The following AGMO variants were observed in gnomAD, a reference collection of about 807,000 sequenced individuals.
The protein encoded by AGMO is glyceryl-ether monooxygenase.
Under a neutral mutation model 60.2 loss-of-function variants are expected in AGMO, and 75 were observed. The ratio of observed to expected loss-of-function variants is 1.25; its 90% CI spans 1.03 to 1.51. The LOEUF is 1.51. AGMO is among the 40% of genes most tolerant of loss of function. The pLI, the probability that AGMO is intolerant of heterozygous loss-of-function variation, is 0.00. For missense variants in AGMO, 763 were observed against 525.5 expected, an observed-to-expected ratio of 1.45 and a Z score of -4.42; for synonymous variants, 261 against 177.1, an observed-to-expected ratio of 1.47 and a Z score of -3.76.
intron 12 of AGMO, chr7:15,306,617 C>T: frequency 2.4e-6 from 1 of 420,666 alleles, no homozygotes; most frequent in East Asian, 7.5e-5. Context: ...TGTTACCTTG[C>T]TAAAAAGTTA....
intron 12 of AGMO, among the ~76,000 whole-genome samples, chr7:15,354,423 C>CACACGTGTGTGT (rs1782409807): frequency 7.3e-5 from 2 of 27,462 alleles, no homozygotes; most frequent in Non-Finnish European, 1.1e-4. Context: ...TGTGTGTATA[C>CACACGTGTGTGT]ACACACGTGT....
At chr7:15,399,584 A>T (rs2128489213) in intron 5 of AGMO, among the ~76,000 whole-genome samples, 1 of 152,324 alleles carries the variant, frequency 6.6e-6, no homozygotes, top group East Asian at 1.9e-4. Flanking sequence ...TACAAATAAC[A>T]ATTTTGTAAC....
chr7:15,506,153 G>A (rs966574288), intron 3 of AGMO, among the ~76,000 whole-genome samples: 1 of 152,044 alleles, frequency 6.6e-6, no homozygotes, highest in Non-Finnish European at 1.5e-5. Context: ...TTTGAACTCA[G>A]ATACTTGAAT....
intron 3 of AGMO, among the ~76,000 whole-genome samples, chr7:15,489,670 GCACA>G (rs1783018880): frequency 6.6e-6 from 1 of 152,114 alleles, no homozygotes; most frequent in Admixed American, 6.5e-5. Context: ...AACAACCAGT[GCACA>G]CACAAAGTCC....
chr7:15,277,656 A>G lies in AGMO; in HGVS notation c.1264-76297T>C, dbSNP rs569380060. ...CTTCTGTCAGCAGGTTTTATATTGG[A>G]TTGTGCAGTTCAATCTATAGGCTAA... is the stretch of plus-strand genomic sequence containing the variant. On this transcript the variant is annotated intron_variant, in intron 12 of 12. Coordinates refer to ENST00000342526, the MANE Select transcript of AGMO (RefSeq NM_001004320.2). Among the ~76,000 whole-genome samples, 3 of 152,072 alleles carry G rather than the reference A, an allele frequency of 2.0e-5. No homozygotes were observed. In the South Asian group the frequency reaches 6.2e-4, roughly 32 times the overall value.
the AGMO span, among the ~76,000 whole-genome samples, chr7:15,187,522 T>G: frequency 6.6e-6 from 1 of 152,194 alleles, no homozygotes; most frequent in African/African-American, 2.4e-5. Flanking sequence ...AAAAATATTC[T>G]CCATTCAGAA....
chr7:15,309,417 T>C (rs1401051392), intron 12 of AGMO, among the ~76,000 whole-genome samples: 2 of 152,122 alleles, frequency 1.3e-5, no homozygotes, highest in Non-Finnish European at 2.9e-5. Flanking sequence ...AAAAGAGTTA[T>C]AAAACAAACT....
chr7:15,505,744 T>C (rs1328175808), intron 3 of AGMO, among the ~76,000 whole-genome samples: 1 of 152,032 alleles, frequency 6.6e-6, no homozygotes, highest in Non-Finnish European at 1.5e-5. Context: ...ATAATTTCTG[T>C]TTCTTCATAA....
At chr7:15,301,361 C>A (rs1372085161) in intron 12 of AGMO, among the ~76,000 whole-genome samples, 3 of 151,970 alleles carry the variant, frequency 2.0e-5, no homozygotes, top group Admixed American at 6.6e-5. Flanking sequence ...ATCACGTGAA[C>A]CCAGAAAGCA....
At chr7:15,285,205 A>T (rs982739497) in intron 12 of AGMO, among the ~76,000 whole-genome samples, 8 of 152,174 alleles carry the variant, frequency 5.3e-5, no homozygotes, top group Admixed American at 2.0e-4. Flanking sequence ...TCTATTCAAC[A>T]TAACACCTGA....
At chr7:15,213,503 A>T (rs1448293678) in intron 12 of AGMO, among the ~76,000 whole-genome samples, 2 of 151,964 alleles carry the variant, frequency 1.3e-5, no homozygotes, top group Admixed American at 6.6e-5. Context: ...AATAAAAAGG[A>T]TACATCAGAA....
chr7:15,190,231 T>TGCCA, the AGMO span, among the ~76,000 whole-genome samples: 1 of 5,186 alleles, frequency 1.9e-4, no homozygotes, highest in African/African-American at 5.1e-4. Flanking sequence ...ATATATATAT[T>TGCCA]TATATATATA....
At chr7:15,559,116 C>T (rs1343195200) in intron 2 of AGMO, among the ~76,000 whole-genome samples, 2 of 152,044 alleles carry the variant, frequency 1.3e-5, no homozygotes, top group Non-Finnish European at 2.9e-5. Context: ...AATAGTAGGT[C>T]ATTTATATCT....
chr7:15,408,314 G>A (rs1784757861), intron 5 of AGMO, among the ~76,000 whole-genome samples: 1 of 151,774 alleles, frequency 6.6e-6, no homozygotes, highest in Admixed American at 6.6e-5. Context: ...CATGTTAGGA[G>A]CACCCTAATA....
the AGMO span, among the ~76,000 whole-genome samples, chr7:15,145,232 T>TA: frequency 6.6e-6 from 1 of 152,210 alleles, no homozygotes; most frequent in Non-Finnish European, 1.5e-5. Context: ...TATTATGTCT[T>TA]ACCATTTTCA....
chr7:15,269,542 G>A (rs1469909499), intron 12 of AGMO, among the ~76,000 whole-genome samples: 1 of 152,034 alleles, frequency 6.6e-6, no homozygotes, highest in Non-Finnish European at 1.5e-5. Flanking sequence ...CAGAGATGGG[G>A]GTAGTTATTG....
chr7:15,420,000 G>T (rs1780883408), intron 4 of AGMO, among the ~76,000 whole-genome samples: 1 of 152,014 alleles, frequency 6.6e-6, no homozygotes, highest in African/African-American at 2.4e-5. Context: ...TATGATATAA[G>T]TCCTCTAAGT....
intron 12 of AGMO, among the ~76,000 whole-genome samples, chr7:15,354,865 A>C (rs189545308): frequency 6.6e-6 from 1 of 151,454 alleles, no homozygotes; most frequent in Non-Finnish European, 1.5e-5. Context: ...ATTATATCCT[A>C]TAAAATATAT....
chr7:15,313,845 C>T (rs138438179), intron 12 of AGMO, among the ~76,000 whole-genome samples: 15 of 151,948 alleles, frequency 9.9e-5, no homozygotes, highest in African/African-American at 3.4e-4. Flanking sequence ...TAGCAATGTT[C>T]TGTAATAAAA....
Sources: gnomAD v4.1 joint callset for allele counts (sites outside exome capture counted in the v4.1 genomes callset) on GRCh38, gnomAD v4.1.1 for gene constraint, MANE v1.5 for transcripts, NCBI Gene and HGNC (gene_info 2026-07-23, HGNC 2026-07-21) for gene names.